The following CSMD1 variants were observed in gnomAD, a reference collection of about 807,000 sequenced individuals.
CSMD1 encodes the protein CUB and Sushi multiple domains 1.
In CSMD1, 213 loss-of-function variants were observed where a neutral mutation model predicts 417.5. The observed-to-expected ratio is 0.51, with a 90% CI of 0.46 to 0.57. CSMD1 has a LOEUF of 0.57. Among genes scored for constraint, CSMD1 ranks in the 20% least tolerant of loss-of-function variants. The pLI is 0.00. For synonymous variants in CSMD1, 2,862 were observed against 1,736.8 expected, an observed-to-expected ratio of 1.65 and a Z score of -16.11; for missense variants, 6,923 against 4,529.7, an observed-to-expected ratio of 1.53 and a Z score of -15.17.
intron 1 of CSMD1, among the ~76,000 whole-genome samples, chr8:4,907,412 A>C (rs1805361150): frequency 6.6e-6 from 1 of 152,212 alleles, no homozygotes; most frequent in Non-Finnish European, 1.5e-5. Flanking sequence ...ATTACTGCAA[A>C]TAGGACATTG....
intron 11 of CSMD1, among the ~76,000 whole-genome samples, chr8:3,476,912 CAAAAAAA>C (rs761021655): frequency 2.4e-5 from 3 of 126,834 alleles, no homozygotes; most frequent in Non-Finnish European, 5.0e-5. Flanking sequence ...AACTCCGCCT[CAAAAAAA>C]AAAAAAAAAA....
chr8:4,538,191 A>ACTTTTT (rs1554507031), intron 2 of CSMD1, among the ~76,000 whole-genome samples: 1 of 144,874 alleles, frequency 6.9e-6, no homozygotes. Flanking sequence ...AGGTGGCTAC[A>ACTTTTT]TTTTTTTTTT....
chr8:3,158,764 G>A (rs1056002067), intron 38 of CSMD1, among the ~76,000 whole-genome samples: 4 of 151,812 alleles, frequency 2.6e-5, no homozygotes, highest in Non-Finnish European at 4.4e-5. Context: ...TTTCCTGATC[G>A]TGACTCGGTG....
intron 2 of CSMD1, among the ~76,000 whole-genome samples, chr8:4,447,679 G>A (rs1798893609): frequency 2.0e-5 from 3 of 152,118 alleles, no homozygotes; most frequent in Admixed American, 6.5e-5. Context: ...ACTCTCCTGT[G>A]ACCTCTTGTT....
At chr8:3,837,570 T>C (rs1171043617) in intron 5 of CSMD1, among the ~76,000 whole-genome samples, 2 of 152,156 alleles carry the variant, frequency 1.3e-5, no homozygotes, top group Admixed American at 6.6e-5. Flanking sequence ...ATAATGATAC[T>C]TGAAATGACT....
At chr8:3,654,392 G>C (rs955940027) in intron 7 of CSMD1, among the ~76,000 whole-genome samples, 9 of 152,170 alleles carry the variant, frequency 5.9e-5, no homozygotes, top group Admixed American at 2.0e-4. Context: ...ATAAATAGCA[G>C]AGATGTAAAG....
intron 2 of CSMD1, among the ~76,000 whole-genome samples, chr8:4,494,470 T>C (rs1030956910): frequency 2.6e-5 from 4 of 152,236 alleles, no homozygotes; most frequent in African/African-American, 9.6e-5. Flanking sequence ...TATACTTTCA[T>C]GTGAAGACAA....
At chr8:3,984,276 T>C (rs558235296) in intron 5 of CSMD1, among the ~76,000 whole-genome samples, 6 of 152,286 alleles carry the variant, frequency 3.9e-5, no homozygotes, top group South Asian at 4.2e-4. Flanking sequence ...CACATTGATG[T>C]CCCCAATAAA....
intron 1 of CSMD1, chr8:4,788,019 G>A (rs775812221): frequency 1.9e-6 from 3 of 1,590,144 alleles, no homozygotes; most frequent in Non-Finnish European, 2.6e-6. Context: ...TCTCAAAGAA[G>A]TAACTCCTGA....
chr8:4,662,160 G>T (rs139754534), intron 1 of CSMD1, among the ~76,000 whole-genome samples: 1 of 152,210 alleles, frequency 6.6e-6, no homozygotes, highest in Non-Finnish European at 1.5e-5. Flanking sequence ...CAAAGGAAAT[G>T]AAAACCCCCT....
At chr8:4,327,629 A>C (rs367699717) in intron 3 of CSMD1, among the ~76,000 whole-genome samples, 1 of 152,148 alleles carries the variant, frequency 6.6e-6, no homozygotes. Context: ...GCCCCCAAAA[A>C]CAACAACAAC....
At chr8:4,025,621 C>G (rs532862652) in intron 4 of CSMD1, among the ~76,000 whole-genome samples, 1 of 151,932 alleles carries the variant, frequency 6.6e-6, no homozygotes, top group Non-Finnish European at 1.5e-5. Context: ...CAGAACATGC[C>G]AATAATATAC....
At chr8:4,646,285 T>C (rs1585385319) in intron 1 of CSMD1, among the ~76,000 whole-genome samples, 1 of 152,238 alleles carries the variant, frequency 6.6e-6, no homozygotes, top group South Asian at 2.1e-4. Flanking sequence ...TTTATTTATC[T>C]CTTAATGAAA....
At chr8:3,236,458 T>C (rs560334501) in intron 26 of CSMD1, among the ~76,000 whole-genome samples, 105 of 152,250 alleles carry the variant, frequency 6.9e-4, no homozygotes, top group African/African-American at 2.4e-3. Flanking sequence ...GAGAACAATT[T>C]TAAACAATGT....
rs576865573 is a variant in CSMD1, at chr8:3,590,376, T to C, written c.1098-4116A>G. ...TAGACCGTTCCTTTCTTCTCACCCATCAAGGTAGTCATGTGCACTCTCCAG... is the reference window on the plus strand; with the variant it reads ...TAGACCGTTCCTTTCTTCTCACCCACCAAGGTAGTCATGTGCACTCTCCAG... On this transcript the variant is annotated intron_variant, in intron 8 of 69. Coordinates refer to ENST00000635120, the MANE Select transcript of CSMD1 (RefSeq NM_033225.6). Among the ~76,000 whole-genome samples the C allele has an allele frequency of 7.9e-5, 12 of 152,294 alleles. No individual in the cohort carries two copies. The South Asian group carries it at 2.3e-3, about 29-fold the overall frequency.
chr8:4,186,347 G>T (rs562396495), intron 3 of CSMD1, among the ~76,000 whole-genome samples: 1 of 152,182 alleles, frequency 6.6e-6, no homozygotes, highest in South Asian at 2.1e-4. Flanking sequence ...GCCCAGCCCT[G>T]GGCTGATTCC....
At chr8:3,698,628 A>G (rs1282404617) in intron 7 of CSMD1, among the ~76,000 whole-genome samples, 6 of 152,186 alleles carry the variant, frequency 3.9e-5, no homozygotes, top group African/African-American at 7.2e-5. Flanking sequence ...CGTCCCTAAA[A>G]GCAAGACCTG....
At chr8:4,846,090 G>A (rs868836141) in intron 1 of CSMD1, among the ~76,000 whole-genome samples, 1 of 152,146 alleles carries the variant, frequency 6.6e-6, no homozygotes, top group Non-Finnish European at 1.5e-5. Context: ...TCAAACAGTT[G>A]CAGGAGTTAG....
chr8:4,803,868 A>T (rs557280020), intron 1 of CSMD1, among the ~76,000 whole-genome samples: 1 of 152,310 alleles, frequency 6.6e-6, no homozygotes, highest in East Asian at 1.9e-4. Flanking sequence ...TTTTGTAAGA[A>T]TTTAATGAGA....
Sources: allele counts gnomAD v4.1 joint callset (sites outside exome capture counted in the v4.1 genomes callset), GRCh38; gene constraint gnomAD v4.1.1; transcripts MANE v1.5; gene names NCBI Gene and HGNC (gene_info 2026-07-23, HGNC 2026-07-21).